Variants in CALN1 observed in about 807,000 individuals in gnomAD.
The protein encoded by CALN1 is calcium-binding protein 8.
A neutral mutation model predicts 30.6 loss-of-function variants in CALN1; 17 were observed. The observed-to-expected ratio is 0.56, with a 90% confidence interval of 0.38 to 0.83. The LOEUF (loss-of-function observed/expected upper bound fraction) is 0.83, where lower values mean the gene tolerates loss of function less well. Among genes scored for constraint, CALN1 ranks in the 40% least tolerant of loss-of-function variants. The pLI is 0.00. For missense variants in CALN1, 291 were observed against 354.9 expected, an observed-to-expected ratio of 0.82 and a Z score of 1.45; for synonymous variants, 156 against 131.4, an observed-to-expected ratio of 1.19 and a Z score of -1.28.
chr7:72,474,377 T>C, the CALN1 span, among the ~76,000 whole-genome samples: 1 of 152,168 alleles, frequency 6.6e-6, no homozygotes. Flanking sequence ...GAGATGGACC[T>C]GCATGCAGTG....
chr7:71,844,884 T>A (rs1465548228), intron 5 of CALN1, among the ~76,000 whole-genome samples: 2 of 152,142 alleles, frequency 1.3e-5, no homozygotes, highest in African/African-American at 4.8e-5. Flanking sequence ...AATGTCTTAT[T>A]TTTTTCAATT....
At chr7:72,175,355 G>A (rs1024768046) in intron 3 of CALN1, among the ~76,000 whole-genome samples, 1 of 152,138 alleles carries the variant, frequency 6.6e-6, no homozygotes, top group African/African-American at 2.4e-5. Flanking sequence ...TTATGGGAGT[G>A]AGCCAAATCA....
chr7:72,090,051 A>T (rs1805748023), intron 4 of CALN1, among the ~76,000 whole-genome samples: 1 of 152,238 alleles, frequency 6.6e-6, no homozygotes, highest in Non-Finnish European at 1.5e-5. Flanking sequence ...TAATCCCAGC[A>T]CTTTGGGAGG....
chr7:72,205,563 T>TACATATATATACAC (rs1390707353), intron 3 of CALN1, among the ~76,000 whole-genome samples: 1 of 109,690 alleles, frequency 9.1e-6, no homozygotes, highest in African/African-American at 4.9e-5. Context: ...TATATATATA[T>TACATATATATACAC]ATATGTATAT....
intron 5 of CALN1, among the ~76,000 whole-genome samples, chr7:71,960,859 C>A (rs1221041479): frequency 6.6e-6 from 1 of 152,000 alleles, no homozygotes; most frequent in Non-Finnish European, 1.5e-5. Context: ...ACTCTGTTGC[C>A]CAGGTGGAGT....
intron 4 of CALN1, among the ~76,000 whole-genome samples, chr7:72,048,140 A>G (rs559454662): frequency 1.3e-5 from 2 of 151,472 alleles, no homozygotes; most frequent in African/African-American, 4.8e-5. Context: ...CCCAGGTTCA[A>G]GCGATTCCCC....
the CALN1 span, among the ~76,000 whole-genome samples, chr7:72,487,846 A>G: frequency 9.2e-6 from 1 of 108,190 alleles, no homozygotes; most frequent in Non-Finnish European, 1.8e-5. Context: ...GAGAGAAAGA[A>G]AAAGAAAGAG....
At chr7:72,193,540 C>T (rs982700669) in intron 3 of CALN1, among the ~76,000 whole-genome samples, 1 of 152,132 alleles carries the variant, frequency 6.6e-6, no homozygotes, top group Admixed American at 6.5e-5. Flanking sequence ...ATGCAAATAT[C>T]ATAGTCTACT....
intron 3 of CALN1, among the ~76,000 whole-genome samples, chr7:72,123,756 G>A (rs1210560250): frequency 1.3e-5 from 2 of 152,146 alleles, no homozygotes; most frequent in African/African-American, 4.8e-5. Flanking sequence ...GACTATGAAG[G>A]AAATTGTTCT....
intron 2 of CALN1, among the ~76,000 whole-genome samples, chr7:72,279,885 G>A (rs1797618094): frequency 6.6e-6 from 1 of 152,198 alleles, no homozygotes; most frequent in Admixed American, 6.5e-5. Flanking sequence ...GGGCCAACAG[G>A]CAGGAAGCAC....
chr7:71,995,227 C>T (rs900899715), intron 5 of CALN1, among the ~76,000 whole-genome samples: 1 of 152,180 alleles, frequency 6.6e-6, no homozygotes, highest in Non-Finnish European at 1.5e-5. Flanking sequence ...TTACTGTACA[C>T]GTGATGAAGA....
chr7:72,308,281 T>C (rs1355202437), intron 2 of CALN1, among the ~76,000 whole-genome samples: 1 of 147,150 alleles, frequency 6.8e-6, no homozygotes, highest in African/African-American at 2.5e-5. Flanking sequence ...CAAAGATCAT[T>C]TGAACCAGGG....
At chr7:72,304,389 G>A (rs1450000279) in intron 2 of CALN1, among the ~76,000 whole-genome samples, 3 of 152,178 alleles carry the variant, frequency 2.0e-5, no homozygotes, top group African/African-American at 7.2e-5. Context: ...CACTTTGGGA[G>A]GCCAAGGTGT....
chr7:71,932,244 T>C (rs1410717491), intron 5 of CALN1, among the ~76,000 whole-genome samples: 1 of 152,180 alleles, frequency 6.6e-6, no homozygotes, highest in African/African-American at 2.4e-5. Context: ...ACAGTGATCA[T>C]AGCTCACTGC....
chr7:72,281,940 A>G (rs1381266167), intron 2 of CALN1, among the ~76,000 whole-genome samples: 22 of 151,414 alleles, frequency 1.5e-4, no homozygotes, highest in Admixed American at 1.2e-3. Flanking sequence ...TTTGCTTCTG[A>G]AAAAAAAAGG....
intron 2 of CALN1, among the ~76,000 whole-genome samples, chr7:72,323,385 A>T (rs988855308): frequency 3.3e-5 from 5 of 152,132 alleles, no homozygotes; most frequent in Non-Finnish European, 7.4e-5. Context: ...ACTGTGGTCC[A>T]CCCTATAGCA....
intron 3 of CALN1, among the ~76,000 whole-genome samples, chr7:72,134,767 C>T (rs10243592): frequency 0.76 from 115,890 of 152,076 alleles, 44,600 homozygotes; most frequent in East Asian, 0.96. Flanking sequence ...TGAATTTGGC[C>T]GCACATAGAT....
intron 3 of CALN1, among the ~76,000 whole-genome samples, chr7:72,132,099 G>C (rs772847233): frequency 1.3e-5 from 2 of 152,050 alleles, no homozygotes; most frequent in African/African-American, 4.8e-5. Flanking sequence ...AAAACATATT[G>C]ATCAATATCG....
chr7:71,863,557 CAAAAAAAAA>C (rs71531769), intron 5 of CALN1, among the ~76,000 whole-genome samples: 3 of 32,212 alleles, frequency 9.3e-5, no homozygotes, highest in South Asian at 2.4e-3. Context: ...AACTCCATCT[CAAAAAAAAA>C]AAAAAAAAAA....
Sources: allele counts gnomAD v4.1 joint callset (sites outside exome capture counted in the v4.1 genomes callset), GRCh38; gene constraint gnomAD v4.1.1; transcripts MANE v1.5; gene names NCBI Gene and HGNC (gene_info 2026-07-23, HGNC 2026-07-21).